The following FREM3 variants were observed in gnomAD, a reference collection of about 807,000 sequenced individuals.
FREM3 encodes FRAS1-related extracellular matrix protein 3.
A neutral mutation model predicts 129.1 loss-of-function variants in FREM3; 105 were observed. That is an observed-to-expected ratio of 0.81 (90% CI 0.69 to 0.96). FREM3 has a LOEUF of 0.96. Among genes scored for constraint, FREM3 ranks in the 40% least tolerant of loss-of-function variants. The pLI is 0.00. For missense variants in FREM3, 2,593 were observed against 2,666.3 expected (o/e 0.97, Z 0.61); for synonymous variants, 1,014 against 1,044.9 (o/e 0.97, Z 0.57).
At position 143,663,817 on chromosome 4, in the gene FREM3, C is replaced by T. The variant is rs6845280; in HGVS notation, c.5275+29296G>A. Among the ~76,000 whole-genome samples, 1,459 of 152,162 alleles carry T rather than the reference C, an allele frequency of 9.6e-3. 24 individuals carry two copies. Among genetic ancestry groups the T allele is most frequent in the African/African-American group, 0.034 (1,397 of 41,540 alleles). On this transcript the variant is annotated intron_variant, in intron 2 of 7. Transcript: ENST00000329798. ...TCTTTTTTCTCTAAACTTCCCTTCT[C>T]GCTTCATTTCATTCATTTCATCTTC...
chr4:143,671,831 T>C (rs1034832554), intron 2 of FREM3, among the ~76,000 whole-genome samples: 13 of 152,216 alleles, frequency 8.5e-5, no homozygotes, highest in African/African-American at 2.9e-4. Context: ...GCAGCTACTT[T>C]GTAAAAGTAT....
At chr4:143,665,416 C>T (rs1248179619) in intron 2 of FREM3, among the ~76,000 whole-genome samples, 2 of 152,054 alleles carry the variant, frequency 1.3e-5, no homozygotes, top group African/African-American at 4.8e-5. Context: ...ATGTCTTTTT[C>T]TGTGTCATAT....
intron 2 of FREM3, among the ~76,000 whole-genome samples, chr4:143,678,543 AAT>A (rs145328094): frequency 1.3e-5 from 2 of 150,750 alleles, no homozygotes; most frequent in African/African-American, 4.9e-5. Flanking sequence ...AGTATAATAA[AAT>A]ATATATATAT....
At position 143,585,530 on chromosome 4, in the gene FREM3, G is replaced by A. The variant is rs905697150; in HGVS notation, c.6178+314C>T. ...GTTGGGACTTGCTTGGCCATTATGG[G>A]GGTAATTTCATCTGAAATATTGTTT... On this transcript the variant is annotated intron_variant, in intron 7 of 7. Coordinates refer to ENST00000329798, the MANE Select transcript of FREM3 (RefSeq NM_001168235.2). The surrounding 1 kb of genome is among the most constrained non-coding windows in gnomAD (Gnocchi z 4.2). 2.0e-5 allele frequency among the ~76,000 whole-genome samples: 3 copies of A among 152,130 alleles called. No individual in the cohort carries two copies. Among genetic ancestry groups the A allele is most frequent in the African/African-American group, 7.2e-5 (3 of 41,416 alleles).
intron 4 of FREM3, among the ~76,000 whole-genome samples, chr4:143,623,826 G>A (rs1475238543): frequency 6.6e-6 from 1 of 152,092 alleles, no homozygotes; most frequent in Non-Finnish European, 1.5e-5. Context: ...GAGCAGAGTT[G>A]CTTCGTACCT....
intron 2 of FREM3, among the ~76,000 whole-genome samples, chr4:143,638,867 A>T (rs372111160): frequency 1.2e-4 from 19 of 152,294 alleles, no homozygotes; most frequent in East Asian, 3.9e-4. Flanking sequence ...CATCACAGAG[A>T]GCTCATGACT....
chr4:143,673,723 G>A (rs1740049622), intron 2 of FREM3, among the ~76,000 whole-genome samples: 2 of 152,252 alleles, frequency 1.3e-5, no homozygotes, highest in South Asian at 2.1e-4. Context: ...GCCTCCTTGA[G>A]CTTTGGTGGG....
Position 143,592,054 on chromosome 4 carries a change from G to T in FREM3, c.6029-6061C>A, listed in dbSNP as rs544781862. 3.3e-5 allele frequency among the ~76,000 whole-genome samples: 5 copies of T among 152,134 alleles called. No homozygotes were observed. The South Asian group carries it at 1.0e-3, about 32-fold the overall frequency. On this transcript the variant is annotated intron_variant, in intron 6 of 7. Transcript: ENST00000329798. Reference sequence around the variant, plus strand: ...TAACATCTGTTTTATCAGAGACTAGGATTGCAACCCCTGCCTTTTTTTGTT... The same window carrying T: ...TAACATCTGTTTTATCAGAGACTAGTATTGCAACCCCTGCCTTTTTTTGTT...
chr4:143,678,930 A>G (rs1317041284), intron 2 of FREM3, among the ~76,000 whole-genome samples: 1 of 152,164 alleles, frequency 6.6e-6, no homozygotes, highest in Non-Finnish European at 1.5e-5. Context: ...ATGCAAGCAT[A>G]AAAAAACTCT....
chr4:143,620,714 T>C (rs1196175502), intron 5 of FREM3, among the ~76,000 whole-genome samples: 1 of 152,252 alleles, frequency 6.6e-6, no homozygotes, highest in Non-Finnish European at 1.5e-5. Context: ...GACTAGCATA[T>C]ATAAACTCTT....
At chr4:143,684,706 T>G (rs1214459591) in intron 2 of FREM3, among the ~76,000 whole-genome samples, 1 of 152,138 alleles carries the variant, frequency 6.6e-6, no homozygotes, top group Non-Finnish European at 1.5e-5. Flanking sequence ...ATTAAGCTAA[T>G]CAGGGAGGGA....
chr4:143,664,307 A>C (rs1739807013), intron 2 of FREM3, among the ~76,000 whole-genome samples: 2 of 152,160 alleles, frequency 1.3e-5, no homozygotes. Context: ...TCTAACAGAC[A>C]GGACCCTCAG....
At chr4:143,613,345 G>A (rs748141381) in intron 5 of FREM3, among the ~76,000 whole-genome samples, 3 of 152,142 alleles carry the variant, frequency 2.0e-5, no homozygotes, top group Non-Finnish European at 4.4e-5. Context: ...GGCGGTCTAT[G>A]CTTTGAAACC....
intron 2 of FREM3, among the ~76,000 whole-genome samples, chr4:143,636,209 C>A (rs1237230030): frequency 7.0e-6 from 1 of 143,244 alleles, no homozygotes. Context: ...TCCTAATGTT[C>A]TAAAGAAAAA....
At chr4:143,630,179 A>G (rs1339209074) in intron 2 of FREM3, among the ~76,000 whole-genome samples, 4 of 152,122 alleles carry the variant, frequency 2.6e-5, no homozygotes, top group Admixed American at 2.6e-4. Context: ...GCTCAATAGG[A>G]TTGTTGTGAG....
At chr4:143,608,588 T>G (rs756358774) in intron 6 of FREM3, among the ~76,000 whole-genome samples, 6 of 152,218 alleles carry the variant, frequency 3.9e-5, no homozygotes, top group Non-Finnish European at 7.3e-5. Context: ...GACAACTTCA[T>G]TCTTCATGTT....
At chr4:143,656,588 T>C (rs758983589) in intron 2 of FREM3, among the ~76,000 whole-genome samples, 2 of 152,162 alleles carry the variant, frequency 1.3e-5, no homozygotes, top group African/African-American at 4.8e-5. Context: ...ATTCTATTTA[T>C]GTGAAAGACC....
intron 2 of FREM3, among the ~76,000 whole-genome samples, chr4:143,638,138 C>A (rs114531981): frequency 6.6e-6 from 1 of 152,060 alleles, no homozygotes; most frequent in East Asian, 1.9e-4. Context: ...ATAAGGACAG[C>A]GGAAACAGTG....
At chr4:143,587,382 C>T (rs1738260590) in intron 6 of FREM3, among the ~76,000 whole-genome samples, 1 of 152,200 alleles carries the variant, frequency 6.6e-6, no homozygotes, top group South Asian at 2.1e-4. Context: ...GCAATTTGCT[C>T]ACCTCAGGCA....
Sources: gnomAD v4.1 joint callset for allele counts (sites outside exome capture counted in the v4.1 genomes callset) on GRCh38, gnomAD v4.1.1 for gene constraint, Gnocchi (gnomAD v3.1) non-coding constraint, MANE v1.5 for transcripts, NCBI Gene and HGNC (gene_info 2026-07-23, HGNC 2026-07-21) for gene names.